Variants in IL36B observed in about 807,000 individuals in gnomAD.
IL36B encodes interleukin-36 beta.
IL36B carries 23 observed loss-of-function variants against 19.3 expected under a neutral mutation model. That is an observed-to-expected ratio of 1.19 (90% CI 0.86 to 1.69). The LOEUF (loss-of-function observed/expected upper bound fraction) is 1.69, where lower values mean the gene tolerates loss of function less well. Among genes scored for constraint, IL36B ranks in the 40% most tolerant of loss-of-function variants. IL36B has a pLI of 0.00. For synonymous variants in IL36B, 59 were observed against 59.7 expected (o/e 0.99, Z 0.05); for missense variants, 217 against 200.5 (o/e 1.08, Z -0.50).
chr2:113,047,722 A>C (rs1685372851), intron 1 of IL36B, among the ~76,000 whole-genome samples: 2 of 152,204 alleles, frequency 1.3e-5, no homozygotes, highest in South Asian at 4.1e-4. Flanking sequence ...GACAATGATA[A>C]TGCAAAGTGT....
intron 1 of IL36B, among the ~76,000 whole-genome samples, chr2:113,039,699 A>G (rs1162426636): frequency 6.6e-6 from 1 of 152,262 alleles, no homozygotes; most frequent in Non-Finnish European, 1.5e-5. Flanking sequence ...CATGGTAGGA[A>G]TAAATCCACA....
At chr2:113,047,542 G>T (rs1044098330) in intron 1 of IL36B, among the ~76,000 whole-genome samples, 1 of 152,132 alleles carries the variant, frequency 6.6e-6, no homozygotes, top group African/African-American at 2.4e-5. Flanking sequence ...GATTTGATAG[G>T]TTGAACCTGA....
intron 1 of IL36B, among the ~76,000 whole-genome samples, chr2:113,033,794 G>C (rs955503006): frequency 6.6e-6 from 1 of 152,200 alleles, no homozygotes; most frequent in Non-Finnish European, 1.5e-5. Flanking sequence ...CAGGAGAGGA[G>C]AGGAGAGAAC....
chr2:113,031,131 G>T lies in IL36B; in HGVS notation c.38C>A (p.Ala13Asp). The T allele has an allele frequency of 6.2e-7, 1 of 1,614,084 alleles. No individual in the cohort carries two copies. Among genetic ancestry groups the T allele is most frequent in the Non-Finnish European group, 8.5e-7 (1 of 1,179,922 alleles). ...CACCATCTGTCGAGAATCACGAATA[G>T]CATAGGATTTGGGTGCTGCCTCCCC... is the stretch of plus-strand genomic sequence containing the variant. Residue 13 changes from alanine (A) to aspartate (D), a missense_variant, in exon 3 of 6, where the codon GCT becomes GAT. Physicochemically the swap from Ala to Asp is moderately radical, Grantham distance 126. Transcript: ENST00000259213.
At chr2:113,045,707 G>A (rs895269429) in intron 1 of IL36B, among the ~76,000 whole-genome samples, 3 of 151,560 alleles carry the variant, frequency 2.0e-5, no homozygotes, top group African/African-American at 4.9e-5. Context: ...TTTCTATTTC[G>A]ATGTCCTCAA....
chr2:113,052,657 G>A (rs927017206), intron 1 of IL36B, among the ~76,000 whole-genome samples, 160 bp downstream of exon 1: 2 of 152,206 alleles, frequency 1.3e-5, no homozygotes, highest in African/African-American at 4.8e-5. Context: ...AGCATATTCT[G>A]CACTCATTAC....
chr2:113,040,214 T>C (rs935337878), intron 1 of IL36B, among the ~76,000 whole-genome samples: 41 of 152,192 alleles, frequency 2.7e-4, no homozygotes, highest in Admixed American at 2.0e-4. Flanking sequence ...TAACATCTAC[T>C]TAGGATATAA....
At chr2:113,040,641 G>A (rs868050187) in intron 1 of IL36B, among the ~76,000 whole-genome samples, 5 of 152,050 alleles carry the variant, frequency 3.3e-5, no homozygotes, top group African/African-American at 9.7e-5. Flanking sequence ...CATTTACATA[G>A]CATCAAAAAC....
intron 1 of IL36B, among the ~76,000 whole-genome samples, chr2:113,038,195 G>T (rs34932338): frequency 0.05 from 7,607 of 152,248 alleles, 494 homozygotes; most frequent in African/African-American, 0.15. Flanking sequence ...TCACTTTCCA[G>T]ACAGGGATGA....
intron 1 of IL36B, among the ~76,000 whole-genome samples, chr2:113,033,525 C>A (rs1276416779): frequency 6.6e-6 from 1 of 152,228 alleles, no homozygotes; most frequent in Non-Finnish European, 1.5e-5. Context: ...AGGCGTGAGC[C>A]ACTGCACCCG....
At position 113,031,558 on chromosome 2, in the gene IL36B, A is replaced by G. The variant is rs570111475; in HGVS notation, c.13+139T>C. On this transcript the variant is annotated intron_variant, in intron 2 of 5. Coordinates refer to ENST00000259213, the MANE Select transcript of IL36B (RefSeq NM_014438.5). ...GAGCTAGGTGCCCCGAGATTTTCAA[A>G]GGCCGTTTTAGGAACTGAGTGTTTT... 1.8e-4 allele frequency: 125 copies of G among 693,416 alleles called. No homozygotes were observed. The South Asian group carries it at 2.3e-3, about 13-fold the overall frequency. 43.0% of individuals were successfully genotyped at this position (693,416 alleles called of 1,614,324 possible).
rs376499803 is a variant in IL36B, at chr2:113,026,235, G to A, written c.262-3C>T. On this transcript the variant is annotated splice_polypyrimidine_tract_variant and splice_region_variant and intron_variant, in intron 4 of 5. Transcript: ENST00000259213. ...ATGTTATCTTGGGAGCCCTGAAGCT[G>A]GAAGAGAGAAATGTTCAATGTTGCT... is the stretch of plus-strand genomic sequence containing the variant. 8.7e-6 allele frequency: 14 copies of A among 1,613,454 alleles called. No homozygotes were observed. In the African/African-American group the frequency reaches 1.7e-4, roughly 20 times the overall value.
At chr2:113,035,599 T>C (rs533725493) in intron 1 of IL36B, among the ~76,000 whole-genome samples, 114 of 151,928 alleles carry the variant, frequency 7.5e-4, no homozygotes, top group Non-Finnish European at 1.4e-3. Flanking sequence ...CAAGTGAATA[T>C]AGCAACATCG....
intron 5 of IL36B, among the ~76,000 whole-genome samples, chr2:113,023,823 A>G (rs1354992176): frequency 1.3e-5 from 2 of 152,176 alleles, no homozygotes; most frequent in Non-Finnish European, 2.9e-5. Flanking sequence ...CTGCATATTT[A>G]TCTCCCCTCC....
intron 5 of IL36B, among the ~76,000 whole-genome samples, chr2:113,023,860 T>G (rs1208721813): frequency 1.3e-5 from 2 of 152,224 alleles, no homozygotes; most frequent in Non-Finnish European, 2.9e-5. Flanking sequence ...CGTGTTGTTT[T>G]CTTGCCCCTA....
intron 5 of IL36B, among the ~76,000 whole-genome samples, chr2:113,024,051 G>A (rs960469713): frequency 2.0e-5 from 3 of 152,186 alleles, no homozygotes; most frequent in African/African-American, 4.8e-5. Flanking sequence ...AGAAAGATGG[G>A]TGGAAGCATG....
chr2:113,034,072 C>A (rs1044001636), intron 1 of IL36B, among the ~76,000 whole-genome samples: 12 of 152,186 alleles, frequency 7.9e-5, no homozygotes, highest in African/African-American at 2.2e-4. Flanking sequence ...AGTCGTATGA[C>A]TCTCTTGCAC....
chr2:113,035,231 C>T (rs1455333174), intron 1 of IL36B, among the ~76,000 whole-genome samples: 1 of 152,148 alleles, frequency 6.6e-6, no homozygotes, highest in East Asian at 1.9e-4. Context: ...AATCTGGGAT[C>T]TATTCAGGTC....
chr2:113,030,077 A>G (rs1021796320), intron 3 of IL36B, among the ~76,000 whole-genome samples: 2 of 152,134 alleles, frequency 1.3e-5, no homozygotes, highest in Non-Finnish European at 2.9e-5. Context: ...TTAAAAATAC[A>G]AAAATTAGCT....
Sources: gnomAD v4.1 joint callset for allele counts (sites outside exome capture counted in the v4.1 genomes callset) on GRCh38, gnomAD v4.1.1 for gene constraint, MANE v1.5 for transcripts, NCBI Gene and HGNC (gene_info 2026-07-23, HGNC 2026-07-21) for gene names.